ST3GAL6: variants seen among roughly 807,000 people sequenced by gnomAD.
ST3GAL6 encodes the protein ST3 beta-galactoside alpha-2,3-sialyltransferase 6, also known as type 2 lactosamine alpha-2,3-sialyltransferase.
In ST3GAL6, 31 loss-of-function variants were observed where a neutral mutation model predicts 40.5. That is an observed-to-expected ratio of 0.77 (90% CI 0.58 to 1.03). The LOEUF (loss-of-function observed/expected upper bound fraction) is 1.03, where lower values mean the gene tolerates loss of function less well. Among genes scored for constraint, ST3GAL6 ranks in the 50% least tolerant of loss-of-function variants. The pLI is 0.00. For synonymous variants in ST3GAL6, 129 were observed against 136.9 expected (o/e 0.94, Z 0.40); for missense variants, 357 against 393.2 (o/e 0.91, Z 0.78).
chr3:98,764,410 G>A (rs959051278), intron 1 of ST3GAL6, among the ~76,000 whole-genome samples: 1 of 152,166 alleles, frequency 6.6e-6, no homozygotes, highest in African/African-American at 2.4e-5. Context: ...TGGGAACAGG[G>A]TTGGGAGTAA....
chr3:98,793,758 T>C lies in ST3GAL6; in HGVS notation c.993T>C (p.Asp331=), dbSNP rs754967075. The C allele has an allele frequency of 6.9e-6, 11 of 1,590,392 alleles. No homozygotes were observed. In the Admixed American group the frequency reaches 1.2e-4, roughly 18 times the overall value. ...ACCTCGTAATCAACTTGACTCAAGATTGACTCTACAGACTCAGAAGATGAT... is the reference window on the plus strand; with the variant it reads ...ACCTCGTAATCAACTTGACTCAAGACTGACTCTACAGACTCAGAAGATGAT... ...EKNLVINLTQ[D] Residue 331 remains aspartate (D), a synonymous_variant, in exon 10 of 10, where the codon GAT becomes GAC. Transcript: ENST00000483910.
In ST3GAL6 at chr3:98,791,877, A is replaced by G; in HGVS notation, c.793A>G (p.Thr265Ala). Residue 265 changes from threonine to alanine, a missense_variant, in exon 9 of 10, where the codon ACA becomes GCA. Physicochemically the swap from Thr to Ala is moderately conservative, Grantham distance 58 (BLOSUM62 0). Coordinates refer to ENST00000483910, the MANE Select transcript of ST3GAL6 (RefSeq NM_001323368.2). ...KHPTTGIIAI[T>A]LAFYICHEVH... Reference sequence around the variant, plus strand: ...CCCAACAACAGGAATTATTGCCATCACATTGGCGTTTTACATATGTCACGA... The same window carrying G: ...CCCAACAACAGGAATTATTGCCATCGCATTGGCGTTTTACATATGTCACGA... 3 of 1,613,740 alleles carry G rather than the reference A, an allele frequency of 1.9e-6. No homozygotes were observed. Among genetic ancestry groups the G allele is most frequent in the Non-Finnish European group, 2.5e-6 (3 of 1,179,810 alleles).
Position 98,768,474 on chromosome 3 carries a change from G to T in ST3GAL6, c.34G>T (p.Ala12Ser). 6.2e-7 allele frequency: 1 copy of T among 1,613,920 alleles called. No homozygotes were observed. The highest frequency in any genetic ancestry group is 8.5e-7 in the Non-Finnish European group (1 of 1,179,848). ...GTATCTTGTGGCCATATTCCTGAGTGCTGTCTTCCTCTATTATGTACTGCA... is the reference window on the plus strand; with the variant it reads ...GTATCTTGTGGCCATATTCCTGAGTTCTGTCTTCCTCTATTATGTACTGCA... The part of the protein sequence containing the change: ...RGYLVAIFLS[A>S]VFLYYVLHCI... The change falls in exon 2 of 10, where the codon GCT becomes TCT. Residue 12 changes from alanine to serine, a missense_variant. Coordinates refer to ENST00000483910, the MANE Select transcript of ST3GAL6 (RefSeq NM_001323368.2).
At chr3:98,780,877 A>C (rs1450418869) in intron 5 of ST3GAL6, among the ~76,000 whole-genome samples, 1 of 152,208 alleles carries the variant, frequency 6.6e-6, no homozygotes, top group Non-Finnish European at 1.5e-5. Context: ...ACTAAGGTCT[A>C]AGCTATCAGT....
intron 1 of ST3GAL6, among the ~76,000 whole-genome samples, chr3:98,750,142 T>TACCATTAATGAAATTTC (rs1936886576): frequency 6.6e-6 from 1 of 152,234 alleles, no homozygotes; most frequent in Non-Finnish European, 1.5e-5. Flanking sequence ...TCATTAATGG[T>TACCATTAATGAAATTTC]AGTATACTGA....
upstream of ST3GAL6, among the ~76,000 whole-genome samples, chr3:98,762,274 C>G (rs189328512): frequency 1.2e-4 from 19 of 152,302 alleles, no homozygotes; most frequent in Admixed American, 6.5e-5. Context: ...TCTTAGAAAT[C>G]AGTCAAAATG....
chr3:98,762,997 A>G, upstream of ST3GAL6: 1 of 985,398 alleles, frequency 1.0e-6, no homozygotes, highest in Non-Finnish European at 1.2e-6. Context: ...ACGCATTTGG[A>G]CTACCTAATT....
intron 1 of ST3GAL6, among the ~76,000 whole-genome samples, chr3:98,749,846 T>C (rs73858615): frequency 0.016 from 2,455 of 152,286 alleles, 58 homozygotes; most frequent in African/African-American, 0.056. Context: ...TTTGAACTGA[T>C]TGAAAGCCCA....
Position 98,791,999 on chromosome 3 carries a change from A to G in ST3GAL6, c.909+6A>G. 6.2e-7 allele frequency: 1 copy of G among 1,605,974 alleles called. No individual in the cohort carries two copies. The highest frequency in any genetic ancestry group is 8.5e-7 in the Non-Finnish European group (1 of 1,176,010). ...CCATGTCTTTGATGAATAAGGTAATATACTGTACTTTAGGTAATATACATA... is the reference window on the plus strand; with the variant it reads ...CCATGTCTTTGATGAATAAGGTAATGTACTGTACTTTAGGTAATATACATA... On this transcript the variant is annotated splice_donor_region_variant and intron_variant, in intron 9 of 9. Transcript: ENST00000483910.
intron 6 of ST3GAL6, 130 bp from the exon 7 acceptor site, chr3:98,787,906 A>G (rs1037460012): frequency 7.2e-6 from 5 of 691,932 alleles, no homozygotes; most frequent in Middle Eastern, 4.2e-4. Context: ...AGATTGATCT[A>G]TTGCTTTGTG....
chr3:98,742,350 T>C (rs1260488452), intron 1 of ST3GAL6, among the ~76,000 whole-genome samples: 1 of 152,226 alleles, frequency 6.6e-6, no homozygotes, highest in African/African-American at 2.4e-5. Context: ...TTCCTCTTCC[T>C]TGGAAATTAA....
upstream of ST3GAL6, chr3:98,762,789 G>C: frequency 1.0e-6 from 1 of 985,346 alleles, no homozygotes; most frequent in Non-Finnish European, 1.2e-6. Flanking sequence ...TCAGATCTCA[G>C]TTTGAATTCT....
chr3:98,750,066 A>AT (rs35302662), intron 1 of ST3GAL6, among the ~76,000 whole-genome samples: 1,865 of 151,940 alleles, frequency 0.012, 33 homozygotes, highest in African/African-American at 0.043. Flanking sequence ...GAGACACATG[A>AT]TTTTTTTTTA....
Position 98,755,141 on chromosome 3 carries a change from G to A in ST3GAL6, c.-11-13289G>A, listed in dbSNP as rs867322811. Among the ~76,000 whole-genome samples the A allele has an allele frequency of 5.9e-5, 9 of 152,216 alleles. No individual in the cohort carries two copies. In the Middle Eastern group the frequency reaches 0.014, roughly 230 times the overall value. The stretch of plus-strand genomic sequence containing the variant: ...CGGTTCACTGCAACCTCCACCTCCC[G>A]GTTCAAGCGATTCTCCTGCCTCAGC... On this transcript the variant is annotated intron_variant, in intron 1 of 9. Transcript: ENST00000265261.
chr3:98,780,934 T>C (rs2107277281), intron 5 of ST3GAL6, among the ~76,000 whole-genome samples: 1 of 152,334 alleles, frequency 6.6e-6, no homozygotes, highest in Admixed American at 6.5e-5. Flanking sequence ...AAGACTGAGC[T>C]CAGTCAATCC....
chr3:98,790,624 C>T (rs983270851), intron 8 of ST3GAL6, among the ~76,000 whole-genome samples: 1 of 152,114 alleles, frequency 6.6e-6, no homozygotes, highest in African/African-American at 2.4e-5. Flanking sequence ...AACATTCAAC[C>T]AGGTAAACGT....
intron 9 of ST3GAL6, among the ~76,000 whole-genome samples, chr3:98,792,628 T>G (rs1034207354): frequency 1.3e-5 from 2 of 151,250 alleles, no homozygotes; most frequent in Non-Finnish European, 2.9e-5. Context: ...TGCTTCAGTC[T>G]CCCTAGTTTC....
upstream of ST3GAL6, among the ~76,000 whole-genome samples, chr3:98,761,191 C>A (rs973909849): frequency 6.6e-6 from 1 of 152,058 alleles, no homozygotes; most frequent in Non-Finnish European, 1.5e-5. Context: ...AAAATTTTAT[C>A]CCCAGCTACT....
chr3:98,777,566 A>T (rs1407013390), intron 5 of ST3GAL6, among the ~76,000 whole-genome samples: 1 of 152,226 alleles, frequency 6.6e-6, no homozygotes, highest in African/African-American at 2.4e-5. Context: ...AAAAGCAAAC[A>T]TGATTTTAAC....
Sources: gnomAD v4.1 joint callset for allele counts (sites outside exome capture counted in the v4.1 genomes callset) on GRCh38, gnomAD v4.1.1 for gene constraint, MANE v1.5 for transcripts, NCBI Gene and HGNC (gene_info 2026-07-23, HGNC 2026-07-21) for gene names.